CNOT7: variants seen among roughly 807,000 people sequenced by gnomAD.
CNOT7 encodes the protein BTG1-binding factor 1.
Under a neutral mutation model 37.1 loss-of-function variants are expected in CNOT7, and 4 were observed. That is an observed-to-expected ratio of 0.11 (90% confidence interval 0.05 to 0.25). The LOEUF (loss-of-function observed/expected upper bound fraction) is 0.25, where lower values mean the gene tolerates loss of function less well. Among genes scored for constraint, CNOT7 ranks in the 10% least tolerant of loss-of-function variants. The pLI is 1.00. For missense variants in CNOT7, 170 were observed against 336.2 expected, an observed-to-expected ratio of 0.51 and a Z score of 3.87; for synonymous variants, 128 against 115.6, an observed-to-expected ratio of 1.11 and a Z score of -0.69.
intron 2 of CNOT7, chr8:17,244,183 G>A: frequency 6.3e-6 from 1 of 159,652 alleles, no homozygotes; most frequent in Non-Finnish European, 1.4e-5. Flanking sequence ...GAAAACAGTA[G>A]GGTAGCTAAC....
At position 17,227,421 on chromosome 8, in the gene CNOT7, C is replaced by A. The variant is rs1035992386; in HGVS notation, c.*3299G>T. 2 of 151,854 alleles carry A rather than the reference C, an allele frequency of 1.3e-5. No individual in the cohort carries two copies. Among genetic ancestry groups the A allele is most frequent in the Non-Finnish European group, 3.0e-5 (2 of 67,792 alleles). The allele number at this position is 151,854 out of a possible 1,614,324, so 9.4% of individuals were successfully genotyped here. A position where few individuals can be genotyped will look rare whatever the true frequency, so the allele number is the denominator to read the frequency against. ...TTAACAGTGTCATTTGATGTTGTGTCCAAAATCCTCATTCTTCAAACTACT... is the reference window on the plus strand; with the variant it reads ...TTAACAGTGTCATTTGATGTTGTGTACAAAATCCTCATTCTTCAAACTACT... On this transcript the variant is annotated 3_prime_UTR_variant, in exon 7 of 7. Transcript: ENST00000361272.
rs552338643 is a variant in CNOT7 at position 17,245,804 on chromosome 8, C to T, written c.-95-557G>A. 4.6e-5 allele frequency: 7 copies of T among 152,142 alleles called. No homozygotes were observed. In the East Asian group the frequency reaches 1.4e-3, roughly 29 times the overall value. The allele number at this position is 152,142 out of a possible 1,614,324, so 9.4% of individuals were successfully genotyped here. ...TATCTGAATGTTCGCAGTTGCAGAACGGAAAAAGAACACAATAGAACGTCT... is the reference window on the plus strand; with the variant it reads ...TATCTGAATGTTCGCAGTTGCAGAATGGAAAAAGAACACAATAGAACGTCT... On this transcript the variant is annotated intron_variant, in intron 1 of 6. Coordinates refer to ENST00000361272, the MANE Select transcript of CNOT7 (RefSeq NM_013354.7).
At position 17,232,084 on chromosome 8, in the gene CNOT7, A is replaced by C. The variant is rs73669042; in HGVS notation, c.729+343T>G. On this transcript the variant is annotated intron_variant, in intron 6 of 6. Coordinates refer to ENST00000361272, the MANE Select transcript of CNOT7 (RefSeq NM_013354.7). ...GGAGGAGCACCAATGGGAGTCAGAA[A>C]AGAACTCTGGAGTTCTCCCACTAGT... is the stretch of plus-strand genomic sequence containing the variant. 2.3e-4 allele frequency: 231 copies of C among 1,020,012 alleles called. No individual in the cohort carries two copies. In the African/African-American group the frequency reaches 3.8e-3, roughly 17 times the overall value. The allele number at this position is 1,020,012 out of a possible 1,614,324, so 63.2% of individuals were successfully genotyped here.
intron 3 of CNOT7, 58 bp from the exon 4 acceptor site, chr8:17,237,431 T>A: frequency 6.6e-7 from 1 of 1,518,710 alleles, no homozygotes; most frequent in Non-Finnish European, 9.1e-7. Context: ...AACAAGCTGT[T>A]CTTCTGCTTA....
chr8:17,243,476 C>G (rs1368302162), intron 2 of CNOT7: 4 of 537,770 alleles, frequency 7.4e-6, no homozygotes, highest in Non-Finnish European at 1.4e-5. Flanking sequence ...ATCATAAATT[C>G]CTGTCTCCCA....
In CNOT7 at chr8:17,243,071, C is replaced by T; in HGVS notation, c.232G>A (p.Gly78Arg). ...NVDLLKIIQLGLTFMNEQGEY... is the reference protein window; with the variant it reads ...NVDLLKIIQLRLTFMNEQGEY... ...CCTTGCTCATTCATAAATGTCAGTC[C>T]TAGCTGAATTATCTTTAACAAGTCT... Residue 78 changes from glycine to arginine, a missense_variant, in exon 3 of 7, where the codon GGA (glycine) becomes AGA (arginine). Gly to Arg is a moderately radical substitution (Grantham distance 125, BLOSUM62 -2). Around this residue, in one of 6 missense-constraint regions of CNOT7, gnomAD observed 20 missense variants for 18.5 expected, o/e 1.08. Transcript: ENST00000361272. 1 of 1,611,646 alleles carries T rather than the reference C, an allele frequency of 6.2e-7. No individual in the cohort carries two copies. The highest frequency in any genetic ancestry group is 8.5e-7 in the Non-Finnish European group (1 of 1,179,256).
At chr8:17,233,899 G>A (rs1450091058) in intron 5 of CNOT7, among the ~76,000 whole-genome samples, 16 of 152,084 alleles carry the variant, frequency 1.1e-4, no homozygotes, top group African/African-American at 2.2e-4. Context: ...CTAAAAATAC[G>A]AAATTTAGCT....
At chr8:17,237,405 A>T in intron 3 of CNOT7, 32 bp from the exon 4 acceptor site, 1 of 1,603,764 alleles carries the variant, frequency 6.2e-7, no homozygotes, top group Non-Finnish European at 8.5e-7. Flanking sequence ...CAACATTCAA[A>T]CATGCCATTA....
At chr8:17,244,951 C>A (rs1478953771) in intron 2 of CNOT7, 85 bp downstream of exon 2, 1 of 1,123,504 alleles carries the variant, frequency 8.9e-7, no homozygotes, top group South Asian at 1.5e-5. Flanking sequence ...CTAAAAATAT[C>A]AACCAAAAGG....
intron 6 of CNOT7, among the ~76,000 whole-genome samples, chr8:17,231,095 G>A (rs1005378007): frequency 1.3e-5 from 2 of 152,046 alleles, no homozygotes; most frequent in African/African-American, 4.8e-5. Flanking sequence ...TTTCCATTTA[G>A]ACCATTTTTA....
At position 17,227,118 on chromosome 8, in the gene CNOT7, C is replaced by G. The variant is rs1808209932; in HGVS notation, c.*3602G>C. On this transcript the variant is annotated 3_prime_UTR_variant, in exon 7 of 7. Coordinates refer to ENST00000361272, the MANE Select transcript of CNOT7 (RefSeq NM_013354.7). ...ACCAATATTTCCTGTGAAGTACCTG[C>G]TGATGAATAATCAAGTGAGTAACTA... 6.6e-6 allele frequency: 1 copy of G among 151,776 alleles called. No homozygotes were observed. The highest frequency in any genetic ancestry group is 2.1e-4 in the South Asian group (1 of 4,834). The allele number at this position is 151,776 out of a possible 1,614,324, so 9.4% of individuals were successfully genotyped here.
Position 17,230,832 on chromosome 8 carries a change from T to C in CNOT7, c.746A>G (p.His249Arg), listed in dbSNP as rs760199118. The stretch of plus-strand genomic sequence containing the variant: ...ACCACAATATTTGGCATCATCAATA[T>C]GATCTTCAAAGAACATCTAAAAAGG... ...FKMREMFFED[H>R]IDDAKYCGHL... Residue 249 changes from histidine (H) to arginine (R), a missense_variant, in exon 7 of 7, where the codon CAT (histidine) becomes CGT (arginine). Transcript: ENST00000361272. The C allele has an allele frequency of 6.9e-6, 11 of 1,598,722 alleles. No homozygotes were observed. Among genetic ancestry groups the C allele is most frequent in the Non-Finnish European group, 9.4e-6 (11 of 1,171,156 alleles).
intron 2 of CNOT7, chr8:17,243,530 C>G (rs1313250761): frequency 2.1e-6 from 1 of 478,060 alleles, no homozygotes; most frequent in Non-Finnish European, 4.1e-6. Context: ...ATGCTAAAAC[C>G]AAGTTTCTTG....
intron 4 of CNOT7, among the ~76,000 whole-genome samples, chr8:17,235,562 A>G (rs574087242): frequency 6.6e-6 from 1 of 152,286 alleles, no homozygotes; most frequent in East Asian, 1.9e-4. Context: ...TCTCAAATCC[A>G]GAACTCTTCT....
intron 6 of CNOT7, chr8:17,231,792 C>A: frequency 1.0e-6 from 1 of 985,696 alleles, no homozygotes; most frequent in Non-Finnish European, 1.2e-6. Flanking sequence ...ACACTTTATA[C>A]TCAAGGAACT....
intron 1 of CNOT7, among the ~76,000 whole-genome samples, chr8:17,245,681 G>C (rs1810880127): frequency 6.6e-6 from 1 of 152,068 alleles, no homozygotes; most frequent in Non-Finnish European, 1.5e-5. Context: ...AATCCGACTT[G>C]ATAACAAGAT....
At chr8:17,243,221 C>CG in intron 2 of CNOT7, 36 bp from the exon 3 acceptor site, 1 of 1,494,856 alleles carries the variant, frequency 6.7e-7, no homozygotes, top group African/African-American at 1.4e-5. Flanking sequence ...ATGTACTAAA[C>CG]AGTCAAAACT....
intron 5 of CNOT7, among the ~76,000 whole-genome samples, chr8:17,233,601 A>T (rs899023316): frequency 2.0e-5 from 3 of 151,330 alleles, no homozygotes; most frequent in Non-Finnish European, 4.4e-5. Context: ...CATGTCAATT[A>T]AAAAAAAAGT....
intron 2 of CNOT7, chr8:17,244,478 G>A (rs1240791522): frequency 6.6e-6 from 1 of 152,304 alleles, no homozygotes; most frequent in Non-Finnish European, 1.5e-5. Flanking sequence ...ACGCCCTAAT[G>A]TTCTCCTGTT....
Sources: gnomAD v4.1 joint callset for allele counts (sites outside exome capture counted in the v4.1 genomes callset) on GRCh38, gnomAD v4.1.1 for gene constraint, gnomAD v4.1.1 regional missense constraint, MANE v1.5 for transcripts, NCBI Gene and HGNC (gene_info 2026-07-23, HGNC 2026-07-21) for gene names.